MECOM: variants seen among roughly 807,000 people sequenced by gnomAD.
The protein encoded by MECOM is histone-lysine N-methyltransferase MECOM.
In MECOM, 13 loss-of-function variants were observed where a neutral mutation model predicts 116.3. That is an observed-to-expected ratio of 0.11 (90% CI 0.07 to 0.18). The LOEUF (loss-of-function observed/expected upper bound fraction) is 0.18, where lower values mean the gene tolerates loss of function less well. MECOM is among the 10% of genes least tolerant of loss of function. MECOM has a pLI of 1.00. For missense variants in MECOM, 1,299 were observed against 1,509.0 expected, an observed-to-expected ratio of 0.86 and a Z score of 2.31; for synonymous variants, 528 against 535.2, an observed-to-expected ratio of 0.99 and a Z score of 0.19.
chr3:169,428,254 C>A (rs943577583), intron 1 of MECOM, among the ~76,000 whole-genome samples: 1 of 152,192 alleles, frequency 6.6e-6, no homozygotes, highest in African/African-American at 2.4e-5. Context: ...GGTCCCCAAC[C>A]TTTTGTAAAC....
At chr3:169,432,082 T>C (rs1029826811) in intron 1 of MECOM, among the ~76,000 whole-genome samples, 2 of 151,992 alleles carry the variant, frequency 1.3e-5, no homozygotes, top group Admixed American at 1.3e-4. Context: ...GTTCGAGACC[T>C]AGTATGAATC....
chr3:169,446,770 C>T (rs991879667), intron 1 of MECOM, among the ~76,000 whole-genome samples: 1 of 152,180 alleles, frequency 6.6e-6, no homozygotes, highest in East Asian at 1.9e-4. Flanking sequence ...TGATCATATA[C>T]CTGGTGTCAG....
Position 169,178,352 on chromosome 3 carries a change from A to C in MECOM, c.376-34520T>G, listed in dbSNP as rs74420161. 7.2e-4 allele frequency among the ~76,000 whole-genome samples: 110 copies of C among 152,330 alleles called. 2 individuals carry two copies. In the East Asian group the frequency reaches 0.02, roughly 28 times the overall value. On this transcript the variant is annotated intron_variant, in intron 2 of 16. Coordinates refer to ENST00000651503, the MANE Select transcript of MECOM (RefSeq NM_004991.4). ...GGAAACCCCTGGAGGGTTTTGACAG[A>C]GGAGAGATATAATCAGATTGCTTGT...
chr3:169,566,449 TAA>T (rs1028495941), intron 1 of MECOM, among the ~76,000 whole-genome samples: 51 of 152,326 alleles, frequency 3.3e-4, no homozygotes, highest in African/African-American at 1.2e-3. Flanking sequence ...AGGCTGGTTT[TAA>T]AATTACAATA....
chr3:169,208,451 C>A (rs1750252382), intron 2 of MECOM, among the ~76,000 whole-genome samples: 1 of 151,662 alleles, frequency 6.6e-6, no homozygotes, highest in Non-Finnish European at 1.5e-5. Flanking sequence ...GTTTATAATT[C>A]AAGCAGTCAA....
At chr3:169,093,968 T>G (rs551762767) in intron 13 of MECOM, among the ~76,000 whole-genome samples, 1 of 152,350 alleles carries the variant, frequency 6.6e-6, no homozygotes, top group Admixed American at 6.5e-5. Context: ...TGTTACATGT[T>G]TAACCTTTTT....
intron 2 of MECOM, among the ~76,000 whole-genome samples, chr3:169,286,860 T>C (rs746035077): frequency 6.6e-6 from 1 of 152,148 alleles, no homozygotes; most frequent in Non-Finnish European, 1.5e-5. Context: ...TCTTTTCCAA[T>C]TTGCCTCCCT....
chr3:169,222,525 G>A (rs946056567), intron 2 of MECOM, among the ~76,000 whole-genome samples: 2 of 152,104 alleles, frequency 1.3e-5, no homozygotes, highest in Non-Finnish European at 2.9e-5. Flanking sequence ...CTCTGGCAGC[G>A]GGGAAAAAAA....
intron 1 of MECOM, among the ~76,000 whole-genome samples, chr3:169,659,173 C>A (rs982765757): frequency 2.6e-5 from 4 of 151,962 alleles, no homozygotes; most frequent in Admixed American, 6.6e-5. Context: ...TCTGTCCCTG[C>A]AGGAAGCCGG....
chr3:169,454,299 A>C (rs1220082434), intron 1 of MECOM, among the ~76,000 whole-genome samples: 2 of 149,870 alleles, frequency 1.3e-5, no homozygotes, highest in Admixed American at 1.4e-4. Flanking sequence ...TTTGCTGGGA[A>C]CTTTTATTAA....
At chr3:169,091,552 C>T (rs1719721730) in intron 14 of MECOM, among the ~76,000 whole-genome samples, 1 of 152,034 alleles carries the variant, frequency 6.6e-6, no homozygotes. Flanking sequence ...ATAAGATCGT[C>T]ACTGTTTCTT....
intron 2 of MECOM, among the ~76,000 whole-genome samples, chr3:169,162,430 G>A (rs992123848): frequency 4.6e-5 from 7 of 152,148 alleles, no homozygotes; most frequent in African/African-American, 1.7e-4. Flanking sequence ...TATGTCATTC[G>A]AATGTTAAGT....
chr3:169,483,202 A>ATTTTT (rs200735642), intron 1 of MECOM, among the ~76,000 whole-genome samples: 10 of 102,996 alleles, frequency 9.7e-5, no homozygotes, highest in African/African-American at 2.4e-4. Context: ...TTTTATTTTT[A>ATTTTT]TTTTTTTTTT....
At chr3:169,468,223 C>T (rs1308393925) in intron 1 of MECOM, among the ~76,000 whole-genome samples, 1 of 152,036 alleles carries the variant, frequency 6.6e-6, no homozygotes, top group Non-Finnish European at 1.5e-5. Context: ...CTTCCCATGC[C>T]CTGATTCCTC....
At chr3:169,309,776 C>T (rs550891892) in intron 2 of MECOM, among the ~76,000 whole-genome samples, 7 of 147,016 alleles carry the variant, frequency 4.8e-5, no homozygotes, top group South Asian at 2.1e-4. Flanking sequence ...TCTTGCTTCC[C>T]GTTGTGCTAC....
intron 12 of MECOM, among the ~76,000 whole-genome samples, chr3:169,097,146 T>A (rs1020874128): frequency 4.0e-5 from 6 of 151,796 alleles, no homozygotes; most frequent in African/African-American, 7.3e-5. Flanking sequence ...TTAGAAAAAA[T>A]TTTTCACCCA....
chr3:169,443,940 C>A (rs910161328), intron 1 of MECOM, among the ~76,000 whole-genome samples: 7 of 152,220 alleles, frequency 4.6e-5, no homozygotes, highest in Non-Finnish European at 1.0e-4. Context: ...CTTTTCACAT[C>A]AAATCCCACT....
At chr3:169,472,757 G>C (rs1321192219) in intron 1 of MECOM, among the ~76,000 whole-genome samples, 1 of 151,028 alleles carries the variant, frequency 6.6e-6, no homozygotes, top group African/African-American at 2.4e-5. Flanking sequence ...GAAGAAGAGA[G>C]GGAGGGAAAG....
At chr3:169,092,715 T>C (rs998118188) in intron 14 of MECOM, among the ~76,000 whole-genome samples, 1 of 152,142 alleles carries the variant, frequency 6.6e-6, no homozygotes, top group Non-Finnish European at 1.5e-5. Flanking sequence ...TAAGCTTCAA[T>C]GTCTCCATTC....
Sources: allele counts gnomAD v4.1 joint callset (sites outside exome capture counted in the v4.1 genomes callset), GRCh38; gene constraint gnomAD v4.1.1; transcripts MANE v1.5; gene names NCBI Gene and HGNC (gene_info 2026-07-23, HGNC 2026-07-21).